ADGRL1: variants seen among roughly 807,000 people sequenced by gnomAD.
ADGRL1 encodes adhesion G protein-coupled receptor L1, also known as CIRL-1.
Under a neutral mutation model 148.9 loss-of-function variants are expected in ADGRL1, and 31 were observed. The observed-to-expected ratio is 0.21, with a 90% CI of 0.16 to 0.28. ADGRL1 has a LOEUF of 0.28. ADGRL1 is among the 10% of genes least tolerant of loss of function. The pLI, the probability that ADGRL1 is intolerant of heterozygous loss-of-function variation, is 1.00. For synonymous variants in ADGRL1, 937 were observed against 900.3 expected, an observed-to-expected ratio of 1.04 and a Z score of -0.73; for missense variants, 1,521 against 2,058.8, an observed-to-expected ratio of 0.74 and a Z score of 5.05.
chr19:14,204,713 T>TGAGAGAGAGAGAGAGAGAGA (rs74181774), intron 1 of ADGRL1, among the ~76,000 whole-genome samples: 69 of 142,992 alleles, frequency 4.8e-4, no homozygotes, highest in African/African-American at 1.6e-3. Context: ...ACAGAGAGAG[T>TGAGAGAGAGAGAGAGAGAGA]GAGAGAGAGA....
chr19:14,187,528 T>C (rs1207550166), intron 1 of ADGRL1, among the ~76,000 whole-genome samples: 1 of 150,950 alleles, frequency 6.6e-6, no homozygotes, highest in Non-Finnish European at 1.5e-5. Flanking sequence ...CCACTCCCGA[T>C]ACCAGCTCCC....
chr19:14,188,654 G>C (rs967037320), intron 1 of ADGRL1, among the ~76,000 whole-genome samples: 1 of 152,164 alleles, frequency 6.6e-6, no homozygotes, highest in African/African-American at 2.4e-5. Flanking sequence ...CCCAGTGTTG[G>C]TCCACACATC....
intron 1 of ADGRL1, among the ~76,000 whole-genome samples, chr19:14,204,772 G>A (rs1407433187): frequency 6.6e-6 from 1 of 151,978 alleles, no homozygotes; most frequent in Admixed American, 6.6e-5. Flanking sequence ...GCGCGAGCCA[G>A]CCATCTTGGC....
chr19:14,174,065 C>G (rs1970658912), intron 3 of ADGRL1, among the ~76,000 whole-genome samples: 1 of 151,990 alleles, frequency 6.6e-6, no homozygotes, highest in Non-Finnish European at 1.5e-5. Flanking sequence ...GATGTGACTC[C>G]AGAGGCCTCA....
At chr19:14,199,242 G>A (rs1320664149) in intron 1 of ADGRL1, among the ~76,000 whole-genome samples, 1 of 152,180 alleles carries the variant, frequency 6.6e-6, no homozygotes, top group Admixed American at 6.5e-5. Flanking sequence ...AGCCTCCCAG[G>A]GTGGCTGTGG....
intron 4 of ADGRL1, among the ~76,000 whole-genome samples, chr19:14,163,700 G>C (rs981171575): frequency 6.6e-6 from 1 of 152,086 alleles, no homozygotes; most frequent in African/African-American, 2.4e-5. Context: ...GGGTTAGTGA[G>C]GGGAAGTGGT....
Position 14,156,702 on chromosome 19 carries a change from A to G in ADGRL1, c.2989T>C (p.Tyr997His). ...GGCCCGATGAAACTCCAGATGAAGTAATTGTCCACTCGGAGCCAGCAGCTG... is the reference window on the plus strand; with the variant it reads ...GGCCCGATGAAACTCCAGATGAAGTGATTGTCCACTCGGAGCCAGCAGCTG... Reference protein sequence around the residue: ...EKACWLRVDNYFIWSFIGPVS... With the variant: ...EKACWLRVDNHFIWSFIGPVS... The change falls in exon 16 of 23, where the codon TAC (tyrosine) becomes CAC (histidine). Residue 997 changes from tyrosine (Y) to histidine (H), a missense_variant. This residue lies in a region of ADGRL1 where 185 missense variants were observed against 251.7 expected (regional missense o/e 0.74). Transcript: ENST00000361434. 1 of 1,611,532 alleles carries G rather than the reference A, an allele frequency of 6.2e-7. No homozygotes were observed. The highest frequency in any genetic ancestry group is 1.1e-5 in the South Asian group (1 of 90,602).
intron 2 of ADGRL1, among the ~76,000 whole-genome samples, chr19:14,178,185 C>A (rs915761528): frequency 6.6e-6 from 1 of 152,098 alleles, no homozygotes; most frequent in Non-Finnish European, 1.5e-5. Flanking sequence ...AGGCCCCAAT[C>A]CAATATGACT....
At chr19:14,172,045 C>G (rs766182502) in intron 3 of ADGRL1, among the ~76,000 whole-genome samples, 1 of 152,176 alleles carries the variant, frequency 6.6e-6, no homozygotes, top group African/African-American at 2.4e-5. Flanking sequence ...GACTAAGGAT[C>G]TAGCAGGGAG....
intron 1 of ADGRL1, among the ~76,000 whole-genome samples, chr19:14,194,466 G>T (rs1419526799): frequency 6.6e-6 from 1 of 152,214 alleles, no homozygotes; most frequent in Non-Finnish European, 1.5e-5. Flanking sequence ...GGACAGTGAC[G>T]GACAGCTCCA....
intron 1 of ADGRL1, among the ~76,000 whole-genome samples, chr19:14,187,504 T>C (rs1450248408): frequency 2.0e-5 from 3 of 149,678 alleles, no homozygotes; most frequent in Non-Finnish European, 4.5e-5. Context: ...CTCTGCCCGC[T>C]TCCCCTCTCA....
Position 14,160,630 on chromosome 19 carries a change from T to G in ADGRL1, c.1577A>C (p.Asn526Thr). ...LWNPRGPDLS[N>T]CTSPWVNQVA... The stretch of plus-strand genomic sequence containing the variant: ...CTGGTTGACCCAGGGGGAGGTGCAG[T>G]TGCTGAGGTCAGGGCCCCGGGGGTT... The change falls in exon 7 of 23, where the codon AAC becomes ACC. Residue 526 changes from asparagine (N) to threonine (T), a missense_variant. This residue lies in a region of ADGRL1 where 270 missense variants were observed against 320.4 expected (regional missense o/e 0.84). Coordinates refer to ENST00000361434, the MANE Select transcript of ADGRL1 (RefSeq NM_014921.5). This position sits in a 1 kb window ranked among gnomAD's most constrained non-coding sequence, Gnocchi z 5.9. 6.2e-7 allele frequency: 1 copy of G among 1,611,882 alleles called. No homozygotes were observed. Among genetic ancestry groups the G allele is most frequent in the Non-Finnish European group, 8.5e-7 (1 of 1,179,252 alleles).
intron 1 of ADGRL1, among the ~76,000 whole-genome samples, chr19:14,194,537 G>A (rs565661454): frequency 2.0e-5 from 3 of 152,364 alleles, no homozygotes; most frequent in Non-Finnish European, 4.4e-5. Context: ...ATTTAGGAAG[G>A]AGAGATGCTT....
chr19:14,205,589 AC>A, intron 1 of ADGRL1, among the ~76,000 whole-genome samples: 2 of 151,224 alleles, frequency 1.3e-5, no homozygotes, highest in Middle Eastern at 6.9e-3. Context: ...GGCGCCAAGC[AC>A]CCGCGCGCAC....
At chr19:14,202,061 A>G (rs1972649301) in intron 1 of ADGRL1, among the ~76,000 whole-genome samples, 1 of 152,030 alleles carries the variant, frequency 6.6e-6, no homozygotes, top group African/African-American at 2.4e-5. Flanking sequence ...GCCCCGGGGT[A>G]GGATCACACT....
chr19:14,151,668 G>A (rs898877834), intron 22 of ADGRL1, 53 bp from the exon 23 acceptor site: 4 of 1,512,222 alleles, frequency 2.6e-6, no homozygotes, highest in Non-Finnish European at 3.5e-6. Context: ...GGATGCACTA[G>A]GGGACAGTGA....
intron 3 of ADGRL1, among the ~76,000 whole-genome samples, chr19:14,173,772 C>T (rs1599461296): frequency 6.6e-6 from 1 of 151,782 alleles, no homozygotes; most frequent in Non-Finnish European, 1.5e-5. Context: ...CATGGTGAAA[C>T]GTCGTCTTTA....
chr19:14,165,063 G>A (rs1350473897), intron 4 of ADGRL1, among the ~76,000 whole-genome samples: 2 of 152,188 alleles, frequency 1.3e-5, no homozygotes, highest in African/African-American at 4.8e-5. Context: ...AGTGGCAAGA[G>A]GGGCTTGGGC....
chr19:14,186,080 A>G (rs1971554710), intron 1 of ADGRL1, among the ~76,000 whole-genome samples: 1 of 151,864 alleles, frequency 6.6e-6, no homozygotes, highest in Admixed American at 6.6e-5. Flanking sequence ...TTTTTTAGAG[A>G]TAGGGTCTTG....
Sources: allele counts gnomAD v4.1 joint callset (sites outside exome capture counted in the v4.1 genomes callset), GRCh38; gene constraint gnomAD v4.1.1; regional missense constraint gnomAD v4.1.1; non-coding constraint Gnocchi (gnomAD v3.1); transcripts MANE v1.5; gene names NCBI Gene and HGNC (gene_info 2026-07-23, HGNC 2026-07-21).